The following CARNMT1 variants were observed in gnomAD, a reference collection of about 807,000 sequenced individuals.
CARNMT1 encodes the protein carnosine N-methyltransferase 1.
A neutral mutation model predicts 49.6 loss-of-function variants in CARNMT1; 28 were observed. That is an observed-to-expected ratio of 0.56 (90% CI 0.42 to 0.77). The LOEUF (loss-of-function observed/expected upper bound fraction) is 0.77. CARNMT1 is among the 30% of genes least tolerant of loss of function. The pLI, the probability that CARNMT1 is intolerant of heterozygous loss-of-function variation, is 0.00. For synonymous variants in CARNMT1, 178 were observed against 175.0 expected (o/e 1.02, Z -0.13); for missense variants, 421 against 512.6 (o/e 0.82, Z 1.73).
At chr9:75,012,302 T>C (rs1833717085) in intron 3 of CARNMT1, among the ~76,000 whole-genome samples, 3 of 146,396 alleles carry the variant, frequency 2.0e-5, no homozygotes, top group African/African-American at 5.1e-5. Flanking sequence ...TTTTTTTTTT[T>C]CTTTGAGATA....
chr9:75,005,396 T>C (rs1358305855), intron 3 of CARNMT1, among the ~76,000 whole-genome samples: 1 of 150,254 alleles, frequency 6.7e-6, no homozygotes, highest in Non-Finnish European at 1.5e-5. Flanking sequence ...GAGAAACTGA[T>C]ATATGTGTTT....
intron 3 of CARNMT1, among the ~76,000 whole-genome samples, chr9:75,013,299 T>A (rs1054108709): frequency 1.3e-5 from 2 of 152,228 alleles, no homozygotes; most frequent in Non-Finnish European, 2.9e-5. Context: ...CCTTCTGCAT[T>A]ATTTATATTC....
Position 74,998,585 on chromosome 9 carries a change from G to C in CARNMT1, c.910+13C>G, listed in dbSNP as rs758699900. On this transcript the variant is annotated intron_variant, in intron 5 of 7. Coordinates refer to ENST00000376834, the MANE Select transcript of CARNMT1 (RefSeq NM_152420.3). Reference sequence around the variant, plus strand: ...AAAGGACAAGACTTTTTAAACGCTTGATTTGGACTTACTGCATTCTGAATA... The same window carrying C: ...AAAGGACAAGACTTTTTAAACGCTTCATTTGGACTTACTGCATTCTGAATA... The C allele has an allele frequency of 6.5e-7, 1 of 1,542,998 alleles. No homozygotes were observed. Among genetic ancestry groups the C allele is most frequent in the African/African-American group, 1.4e-5 (1 of 72,144 alleles).
rs924460019 is a variant in CARNMT1 at position 74,981,659 on chromosome 9, CATT to C, written c.*2105_*2107del. 2.6e-5 allele frequency: 4 copies of C among 151,906 alleles called. No individual in the cohort carries two copies. The highest frequency in any genetic ancestry group is 4.8e-5 in the African/African-American group (2 of 41,384). 9.4% of individuals were successfully genotyped at this position (151,906 alleles called of 1,614,324 possible). ...CATATGCTATAATTTAGAAATTTAA[CATT>C]ATTAAAGAAAACCTAATAGAAAAAA... On this transcript the variant is annotated 3_prime_UTR_variant, in exon 8 of 8. Transcript: ENST00000376834.
intron 3 of CARNMT1, among the ~76,000 whole-genome samples, chr9:75,008,109 CA>C (rs1431854057): frequency 1.1e-4 from 15 of 142,248 alleles, no homozygotes; most frequent in African/African-American, 4.0e-4. Context: ...TTCCCTGGGC[CA>C]CACTGGAAGA....
chr9:75,011,593 C>T (rs568745841), intron 3 of CARNMT1, among the ~76,000 whole-genome samples: 34 of 152,256 alleles, frequency 2.2e-4, no homozygotes, highest in African/African-American at 6.3e-4. Flanking sequence ...GTCTTGAATT[C>T]CTGGCCTCAA....
intron 3 of CARNMT1, among the ~76,000 whole-genome samples, chr9:75,010,512 A>C (rs78210365): frequency 0.076 from 11,608 of 152,250 alleles, 634 homozygotes; most frequent in Non-Finnish European, 0.11. Flanking sequence ...TATCCAAACT[A>C]TACTATAAAG....
chr9:74,989,954 T>C (rs901748412), intron 6 of CARNMT1, among the ~76,000 whole-genome samples: 2 of 152,182 alleles, frequency 1.3e-5, no homozygotes, highest in African/African-American at 4.8e-5. Flanking sequence ...GAGTGCAGCA[T>C]GGCGAGAAAG....
intron 5 of CARNMT1, among the ~76,000 whole-genome samples, chr9:74,996,886 T>C (rs765585846): frequency 6.6e-6 from 1 of 152,184 alleles, no homozygotes; most frequent in Non-Finnish European, 1.5e-5. Flanking sequence ...TCATTTAAAA[T>C]CACTTAAAAC....
chr9:74,990,101 T>C (rs1832968001), intron 6 of CARNMT1, among the ~76,000 whole-genome samples: 1 of 152,192 alleles, frequency 6.6e-6, no homozygotes, highest in Admixed American at 6.5e-5. Flanking sequence ...TATTGTTACA[T>C]ATTTTAATGC....
Position 75,028,047 on chromosome 9 carries a change from G to GA in CARNMT1, c.194_195insT (p.Phe66LeufsTer6). 1 of 1,578,758 alleles carries GA rather than the reference G, an allele frequency of 6.3e-7. No individual in the cohort carries two copies. The highest frequency in any genetic ancestry group is 8.6e-7 in the Non-Finnish European group (1 of 1,164,948). ...GGAAGGCATTAATGATCTTCCAGAA[G>GA]TGCTCACGCTCAAGCCTCTCCTCCT... On this transcript the variant is annotated frameshift_variant, in exon 1 of 8. Transcript: ENST00000376834. LOFTEE classifies it high-confidence loss of function.
intron 1 of CARNMT1, among the ~76,000 whole-genome samples, chr9:75,020,267 C>CTTTTTTTTT (rs200444980): frequency 8.0e-6 from 1 of 124,296 alleles, no homozygotes; most frequent in Non-Finnish European, 1.7e-5. Flanking sequence ...CATTTTTCTT[C>CTTTTTTTTT]TTTTTTTTTT....
chr9:75,018,639 G>C (rs1833917169), intron 1 of CARNMT1, among the ~76,000 whole-genome samples: 1 of 152,128 alleles, frequency 6.6e-6, no homozygotes, highest in South Asian at 2.1e-4. Flanking sequence ...TGGGCCCCAT[G>C]AAACATGAAC....
intron 3 of CARNMT1, among the ~76,000 whole-genome samples, chr9:75,002,092 G>A (rs1379538012): frequency 6.6e-6 from 1 of 151,926 alleles, no homozygotes; most frequent in Non-Finnish European, 1.5e-5. Context: ...AGGAGGAAAA[G>A]TTTCAACAGT....
At chr9:74,998,551 AT>A in intron 5 of CARNMT1, 46 bp downstream of exon 5, 1 of 1,433,358 alleles carries the variant, frequency 7.0e-7, no homozygotes, top group Non-Finnish European at 9.3e-7. Flanking sequence ...AGCTCATTAA[AT>A]TTAGAATAAA....
At chr9:75,006,801 A>T (rs1431488626) in intron 3 of CARNMT1, among the ~76,000 whole-genome samples, 2 of 152,210 alleles carry the variant, frequency 1.3e-5, no homozygotes, top group East Asian at 3.8e-4. Flanking sequence ...GAGTTAACTC[A>T]TCCTTTCCTC....
At chr9:74,999,545 A>G (rs753158561) in intron 4 of CARNMT1, among the ~76,000 whole-genome samples, 185 bp downstream of exon 4, 10 of 152,174 alleles carry the variant, frequency 6.6e-5, no homozygotes, top group Non-Finnish European at 8.8e-5. Context: ...ACACTCTAAT[A>G]ACTAGGCAAT....
intron 5 of CARNMT1, among the ~76,000 whole-genome samples, chr9:74,998,278 C>T (rs1343998943): frequency 6.6e-6 from 1 of 152,168 alleles, no homozygotes; most frequent in Non-Finnish European, 1.5e-5. Context: ...AAGTCATAGC[C>T]TCACTATGAA....
chr9:74,996,217 A>AT, intron 6 of CARNMT1: 1 of 365,126 alleles, frequency 2.7e-6, no homozygotes, highest in Non-Finnish European at 4.9e-6. Flanking sequence ...ATACACTGAA[A>AT]TTACAATGAC....
Sources: gnomAD v4.1 joint callset for allele counts (sites outside exome capture counted in the v4.1 genomes callset) on GRCh38, gnomAD v4.1.1 for gene constraint, MANE v1.5 for transcripts, NCBI Gene and HGNC (gene_info 2026-07-23, HGNC 2026-07-21) for gene names.